The following PRKG2 variants were observed in gnomAD, a reference collection of about 807,000 sequenced individuals.
The protein encoded by PRKG2 is cGMP-dependent protein kinase 2.
In PRKG2, 33 loss-of-function variants were observed where a neutral mutation model predicts 97.2. The ratio of observed to expected loss-of-function variants is 0.34; its 90% CI spans 0.26 to 0.45. The LOEUF (loss-of-function observed/expected upper bound fraction) is 0.45. Among genes scored for constraint, PRKG2 ranks in the 20% least tolerant of loss-of-function variants. The pLI, the probability that PRKG2 is intolerant of heterozygous loss-of-function variation, is 1.00. For synonymous variants in PRKG2, 330 were observed against 321.8 expected (o/e 1.03, Z -0.27); for missense variants, 638 against 900.0 (o/e 0.71, Z 3.73).
chr4:81,215,462 G>A (rs894761654), upstream of PRKG2, among the ~76,000 whole-genome samples: 3 of 152,146 alleles, frequency 2.0e-5, no homozygotes, highest in Non-Finnish European at 2.9e-5. Flanking sequence ...AAGCATTTTT[G>A]TTCATGTTAT....
At chr4:81,201,901 A>G (rs1034389489) in intron 2 of PRKG2, among the ~76,000 whole-genome samples, 2 of 152,200 alleles carry the variant, frequency 1.3e-5, no homozygotes, top group Non-Finnish European at 2.9e-5. Context: ...AAGGGTGAAC[A>G]TTGTCCAAAA....
intron 17 of PRKG2, among the ~76,000 whole-genome samples, chr4:81,098,614 C>A (rs1461092091): frequency 6.6e-6 from 1 of 151,988 alleles, no homozygotes; most frequent in African/African-American, 2.4e-5. Context: ...ATTAATTGGC[C>A]TGATTTCAAT....
At chr4:81,184,506 C>A (rs1450993581) in intron 2 of PRKG2, among the ~76,000 whole-genome samples, 1 of 152,112 alleles carries the variant, frequency 6.6e-6, no homozygotes, top group African/African-American at 2.4e-5. Flanking sequence ...CATCAAAGAC[C>A]AAAGTAGATA....
intron 2 of PRKG2, among the ~76,000 whole-genome samples, chr4:81,192,564 C>T (rs1411979739): frequency 1.3e-5 from 2 of 152,184 alleles, no homozygotes; most frequent in Non-Finnish European, 2.9e-5. Flanking sequence ...GGACAAGTAA[C>T]TTAGGCTTTC....
chr4:81,104,048 A>T (rs1198832690), intron 17 of PRKG2, among the ~76,000 whole-genome samples: 1 of 152,048 alleles, frequency 6.6e-6, no homozygotes, highest in Non-Finnish European at 1.5e-5. Flanking sequence ...ACAAACAAAC[A>T]AACAAACAAA....
chr4:81,165,372 T>C (rs1049646849), intron 6 of PRKG2, among the ~76,000 whole-genome samples: 1 of 152,176 alleles, frequency 6.6e-6, no homozygotes, highest in Non-Finnish European at 1.5e-5. Context: ...ACTCCTAAAC[T>C]GCATGACAGA....
rs565509019 is a variant in PRKG2 at position 81,164,463 on chromosome 4, C to A, written c.912+2698G>T. Among the ~76,000 whole-genome samples the A allele has an allele frequency of 2.6e-5, 4 of 151,714 alleles. No individual in the cohort carries two copies. The South Asian group carries it at 6.3e-4, about 24-fold the overall frequency. ...TTAGGATGACAGGAAAAAAAAAAAT[C>A]CTGGTTTATGCGAGTGTTGGTAAGG... On this transcript the variant is annotated intron_variant, in intron 6 of 18. Transcript: ENST00000264399.
chr4:81,164,307 G>A (rs1015910787), intron 6 of PRKG2, among the ~76,000 whole-genome samples: 2 of 152,092 alleles, frequency 1.3e-5, no homozygotes, highest in Non-Finnish European at 2.9e-5. Context: ...AGAACCACAA[G>A]CCCTAATCTC....
chr4:81,210,703 A>G (rs917624409), intron 1 of PRKG2, among the ~76,000 whole-genome samples: 1 of 152,186 alleles, frequency 6.6e-6, no homozygotes, highest in Non-Finnish European at 1.5e-5. Context: ...GCTTCTTGGT[A>G]TCTACCCAAC....
At chr4:81,147,839 T>C (rs1748006745) in intron 9 of PRKG2, among the ~76,000 whole-genome samples, 1 of 152,144 alleles carries the variant, frequency 6.6e-6, no homozygotes, top group Non-Finnish European at 1.5e-5. Context: ...TGGTCATGCA[T>C]TACATGTAAT....
chr4:81,131,067 C>A (rs891951754), intron 14 of PRKG2, among the ~76,000 whole-genome samples: 7 of 152,172 alleles, frequency 4.6e-5, no homozygotes, highest in Non-Finnish European at 8.8e-5. Flanking sequence ...CAGTGTCTGC[C>A]CAAACGGCCA....
At chr4:81,099,761 G>C (rs1742522206) in intron 17 of PRKG2, among the ~76,000 whole-genome samples, 2 of 152,118 alleles carry the variant, frequency 1.3e-5, no homozygotes, top group African/African-American at 2.4e-5. Context: ...TAGGAAAAGA[G>C]GAAGTCAAAT....
chr4:81,212,836 G>A (rs982742686), intron 1 of PRKG2, among the ~76,000 whole-genome samples: 2 of 152,182 alleles, frequency 1.3e-5, no homozygotes, highest in Non-Finnish European at 2.9e-5. Context: ...TACTGCTTTG[G>A]TTAAAGTGAG....
chr4:81,164,286 G>A (rs1001776523), intron 6 of PRKG2, among the ~76,000 whole-genome samples: 2 of 152,172 alleles, frequency 1.3e-5, no homozygotes, highest in African/African-American at 2.4e-5. Context: ...AGCTGGTAGA[G>A]TGACAGAGGC....
intron 6 of PRKG2, among the ~76,000 whole-genome samples, chr4:81,163,353 G>A (rs986951400): frequency 1.3e-5 from 2 of 152,092 alleles, no homozygotes; most frequent in African/African-American, 4.8e-5. Flanking sequence ...TGGTTACATT[G>A]CAAAGGTGTC....
intron 14 of PRKG2, among the ~76,000 whole-genome samples, chr4:81,111,403 A>T (rs950191961): frequency 2.0e-5 from 3 of 151,282 alleles, no homozygotes; most frequent in Non-Finnish European, 4.4e-5. Context: ...CATGATTAAT[A>T]TTATATCATG....
At position 81,205,828 on chromosome 4, in the gene PRKG2, A is replaced by T. The variant is rs188587330; in HGVS notation, c.-13-768T>A. Reference sequence around the variant, plus strand: ...GGAAGTTATGAAAATTTCAAAAATTAAAAAAATGAATATCTTCAGTTCAGG... The same window carrying T: ...GGAAGTTATGAAAATTTCAAAAATTTAAAAAATGAATATCTTCAGTTCAGG... On this transcript the variant is annotated intron_variant, in intron 1 of 18. Coordinates refer to ENST00000264399, the MANE Select transcript of PRKG2 (RefSeq NM_006259.3). Among the ~76,000 whole-genome samples the T allele has an allele frequency of 5.0e-3, 768 of 152,350 alleles. 11 individuals are homozygous for T. The highest frequency in any genetic ancestry group is 0.018 in the African/African-American group (743 of 41,580).
intron 2 of PRKG2, among the ~76,000 whole-genome samples, chr4:81,188,207 GT>G: frequency 6.6e-6 from 1 of 151,696 alleles, no homozygotes; most frequent in South Asian, 2.1e-4. Flanking sequence ...CAAACAGTGG[GT>G]GAAGGACATG....
chr4:81,106,487 G>C (rs1385742992), intron 15 of PRKG2, among the ~76,000 whole-genome samples: 1 of 152,106 alleles, frequency 6.6e-6, no homozygotes, highest in Admixed American at 6.6e-5. Context: ...AGAAGGACCT[G>C]GGGATACATT....
Sources: gnomAD v4.1 joint callset for allele counts (sites outside exome capture counted in the v4.1 genomes callset) on GRCh38, gnomAD v4.1.1 for gene constraint, MANE v1.5 for transcripts, NCBI Gene and HGNC (gene_info 2026-07-23, HGNC 2026-07-21) for gene names.